Variants in LONRF2 observed in about 807,000 individuals in gnomAD.
LONRF2 encodes the protein LON peptidase N-terminal domain and RING finger protein 2.
Under a neutral mutation model 66.6 loss-of-function variants are expected in LONRF2, and 35 were observed. The observed-to-expected ratio is 0.53, with a 90% CI of 0.40 to 0.70. LONRF2 has a LOEUF of 0.70. Among genes scored for constraint, LONRF2 ranks in the 30% least tolerant of loss-of-function variants. LONRF2 has a pLI of 0.00. For missense variants in LONRF2, 902 were observed against 1,002.1 expected, an observed-to-expected ratio of 0.90 and a Z score of 1.35; for synonymous variants, 417 against 418.1, an observed-to-expected ratio of 1.00 and a Z score of 0.03.
At position 100,302,945 on chromosome 2, in the gene LONRF2, G is replaced by C. The variant is rs1675215265; in HGVS notation, c.897C>G (p.Asn299Lys). The change falls in exon 3 of 12, where the codon AAC (asparagine) becomes AAG (lysine). Residue 299 changes from asparagine (N) to lysine (K), a missense_variant. Around this residue, in one of 2 missense-constraint regions of LONRF2, gnomAD observed 585 missense variants for 569.9 expected, o/e 1.03. Coordinates refer to ENST00000393437, the MANE Select transcript of LONRF2 (RefSeq NM_198461.4). ...LYCLALNPEC[N>K]SVKKEAQKVM... is the part of the protein sequence containing the mutation. ...CCTTCTGTGCTTCTTTCTTCACAGAGTTACATTCAGGATTCAGAGCAAGGC... is the reference window on the plus strand; with the variant it reads ...CCTTCTGTGCTTCTTTCTTCACAGACTTACATTCAGGATTCAGAGCAAGGC... 1.2e-6 allele frequency: 2 copies of C among 1,608,112 alleles called. No individual in the cohort carries two copies. The highest frequency in any genetic ancestry group is 1.7e-6 in the Non-Finnish European group (2 of 1,176,900).
intron 10 of LONRF2, among the ~76,000 whole-genome samples, chr2:100,287,949 A>G (rs1448542702): frequency 2.0e-5 from 3 of 152,256 alleles, no homozygotes; most frequent in Non-Finnish European, 2.9e-5. Context: ...CGGTGTGCTG[A>G]GAAATTATAA....
intron 1 of LONRF2, among the ~76,000 whole-genome samples, chr2:100,313,413 T>C (rs1675446293): frequency 6.6e-6 from 1 of 152,152 alleles, no homozygotes; most frequent in South Asian, 2.1e-4. Context: ...GAGAATTGCT[T>C]GAACCTGGGA....
chr2:100,275,655 T>C lies in LONRF2; in HGVS notation c.*8643A>G, dbSNP rs1421518704. ...TCCATAGAGACCAGTGGCTTGAGGT[T>C]TGAGGAAAAGGGGAAGGGGTGGGAC... On this transcript the variant is annotated 3_prime_UTR_variant, in exon 12 of 12. Coordinates refer to ENST00000393437, the MANE Select transcript of LONRF2 (RefSeq NM_198461.4). The C allele has an allele frequency of 1.3e-5, 2 of 152,112 alleles. No individual in the cohort carries two copies. Among genetic ancestry groups the C allele is most frequent in the African/African-American group, 4.8e-5 (2 of 41,404 alleles). 9.4% of individuals were successfully genotyped at this position (152,112 alleles called of 1,614,324 possible). A position where few individuals can be genotyped will look rare whatever the true frequency, so the allele number is the denominator to read the frequency against.
intron 1 of LONRF2, among the ~76,000 whole-genome samples, chr2:100,312,210 T>G (rs968923218): frequency 4.6e-5 from 7 of 152,198 alleles, no homozygotes; most frequent in Non-Finnish European, 7.4e-5. Flanking sequence ...TACTTCTTCA[T>G]GGATAAATAT....
chr2:100,295,610 C>A, intron 7 of LONRF2, 57 bp from the exon 8 acceptor site: 1 of 1,555,534 alleles, frequency 6.4e-7, no homozygotes, highest in Non-Finnish European at 8.7e-7. Flanking sequence ...AAGGACGAAG[C>A]TTCCGAGTGG....
intron 1 of LONRF2, among the ~76,000 whole-genome samples, chr2:100,314,560 C>A (rs1341196081): frequency 6.6e-6 from 1 of 152,106 alleles, no homozygotes; most frequent in East Asian, 1.9e-4. Flanking sequence ...ATCCCCTTCT[C>A]ACTTTTTTGG....
rs1209798562 is a variant in LONRF2, at chr2:100,299,877, A to G, written c.1107T>C (p.Ser369=). The change falls in exon 5 of 12, where the codon TCT becomes TCC. Residue 369 remains serine, a synonymous_variant. Transcript: ENST00000393437. ...GACCCAGTATAAAATACAAAACTGA[A>G]GAATTGGTATTTCCAAGCATATCAG... ...EKSDMLGNTN[S]SVLYFILGLH... is the part of the protein sequence containing the mutation. 6.2e-7 allele frequency: 1 copy of G among 1,612,266 alleles called. No homozygotes were observed. Among genetic ancestry groups the G allele is most frequent in the Non-Finnish European group, 8.5e-7 (1 of 1,178,406 alleles).
rs754651293 is a variant in LONRF2 at position 100,290,338 on chromosome 2, T to C, written c.1840A>G (p.Ile614Val). Residue 614 changes from isoleucine (I) to valine (V), a missense_variant, in exon 10 of 12, where the codon ATC (isoleucine) becomes GTC (valine). Ile to Val is a conservative substitution (Grantham distance 29). Coordinates refer to ENST00000393437, the MANE Select transcript of LONRF2 (RefSeq NM_198461.4). ...DGSSVVDAIG[I>V]SRFRVLSHRH... is the part of the protein sequence containing the mutation. Reference sequence around the variant, plus strand: ...TGGCTTAGCACTCGGAACCGACTGATGCCAATCGCGTCTACAACAGAACTT... The same window carrying C: ...TGGCTTAGCACTCGGAACCGACTGACGCCAATCGCGTCTACAACAGAACTT... 3 of 1,614,224 alleles carry C rather than the reference T, an allele frequency of 1.9e-6. No homozygotes were observed. The highest frequency in any genetic ancestry group is 2.5e-6 in the Non-Finnish European group (3 of 1,180,042).
At position 100,305,108 on chromosome 2, in the gene LONRF2, G is replaced by A. The variant is rs10210458; in HGVS notation, c.799-2065C>T. ...AACTCTGAACTCCTGGTACTTTCAC[G>A]TAGTGATCCTGAGTGTTTGTCCCAG... On this transcript the variant is annotated intron_variant, in intron 2 of 11. Transcript: ENST00000393437. Among the ~76,000 whole-genome samples the A allele has an allele frequency of 8.9e-3, 1,349 of 152,220 alleles. 20 individuals carry two copies. The highest frequency in any genetic ancestry group is 0.046 in the East Asian group (240 of 5,178).
At chr2:100,300,578 G>A in intron 4 of LONRF2, 66 bp downstream of exon 4, 1 of 1,466,422 alleles carries the variant, frequency 6.8e-7, no homozygotes. Context: ...TCTGTAAACT[G>A]TTTAAAATGA....
At position 100,284,039 on chromosome 2, in the gene LONRF2, G is replaced by GTAT; in HGVS notation, c.*258_*259insATA. ...GCTGTCAGTGAACTGCATTCCCCAAGCACCTGCTTCTAAGAGATTTTCTTA... is the reference window on the plus strand; with the variant it reads ...GCTGTCAGTGAACTGCATTCCCCAAGTATCACCTGCTTCTAAGAGATTTTCTTA... On this transcript the variant is annotated 3_prime_UTR_variant, in exon 12 of 12. Coordinates refer to ENST00000393437, the MANE Select transcript of LONRF2 (RefSeq NM_198461.4). 2 of 367,286 alleles carry GTAT rather than the reference G, an allele frequency of 5.4e-6. No homozygotes were observed. Among genetic ancestry groups the GTAT allele is most frequent in the South Asian group, 4.9e-5 (1 of 20,292 alleles). 22.8% of individuals were successfully genotyped at this position (367,286 alleles called of 1,614,324 possible). A position where few individuals can be genotyped will look rare whatever the true frequency, so the allele number is the denominator to read the frequency against.
chr2:100,302,810 G>A (rs142559586), intron 3 of LONRF2, 111 bp downstream of exon 3: 14 of 1,100,212 alleles, frequency 1.3e-5, no homozygotes, highest in Admixed American at 6.2e-5. Flanking sequence ...GCATTATCAC[G>A]AACATTCAGA....
rs893625871 is a variant in LONRF2, at chr2:100,303,419, G to A, written c.799-376C>T. On this transcript the variant is annotated intron_variant, in intron 2 of 11. Coordinates refer to ENST00000393437, the MANE Select transcript of LONRF2 (RefSeq NM_198461.4). ...CAGTCTCATGAGCTAAGACAGACAC[G>A]ACTAAAAACAATTACAATACAAATC... 6.6e-5 allele frequency among the ~76,000 whole-genome samples: 10 copies of A among 152,100 alleles called. No individual in the cohort carries two copies. The East Asian group carries it at 1.9e-3, about 29-fold the overall frequency.
Position 100,272,674 on chromosome 2 carries a change from A to C in LONRF2, c.*11624T>G, listed in dbSNP as rs1430926171. 3.9e-5 allele frequency among the ~76,000 whole-genome samples: 6 copies of C among 152,168 alleles called. No homozygotes were observed. The highest frequency in any genetic ancestry group is 9.7e-5 in the African/African-American group (4 of 41,432). ...TTAAATATTGTAATTTATGCCTCTA[A>C]AAATTCCAAATAAATATATGCTTTC... On this transcript the variant is annotated 3_prime_UTR_variant, in exon 12 of 12. Transcript: ENST00000393437.
chr2:100,279,639 A>G lies in LONRF2; in HGVS notation c.*4659T>C, dbSNP rs1674671506. Reference sequence around the variant, plus strand: ...AAACTGCCCATCCCAGGGTGAGCCAATTCTTAGATACAGCAAAGGGCTACC... The same window carrying G: ...AAACTGCCCATCCCAGGGTGAGCCAGTTCTTAGATACAGCAAAGGGCTACC... On this transcript the variant is annotated 3_prime_UTR_variant, in exon 12 of 12. Coordinates refer to ENST00000393437, the MANE Select transcript of LONRF2 (RefSeq NM_198461.4). 1 of 152,114 alleles carries G rather than the reference A, an allele frequency of 6.6e-6. No individual in the cohort carries two copies. Among genetic ancestry groups the G allele is most frequent in the Non-Finnish European group, 1.5e-5 (1 of 68,016 alleles). 9.4% of individuals were successfully genotyped at this position (152,114 alleles called of 1,614,324 possible).
At chr2:100,298,544 G>A (rs1161177534) in intron 7 of LONRF2, among the ~76,000 whole-genome samples, 1 of 152,192 alleles carries the variant, frequency 6.6e-6, no homozygotes, top group South Asian at 2.1e-4. Flanking sequence ...CCATGACAAC[G>A]TCTCAACCAT....
At chr2:100,299,405 A>T (rs1573117057) in intron 5 of LONRF2, 86 bp from the exon 6 acceptor site, 2 of 774,718 alleles carry the variant, frequency 2.6e-6, no homozygotes, top group South Asian at 4.6e-5. Flanking sequence ...CTCTGGACCA[A>T]ACGTGTTGTA....
chr2:100,294,098 T>C (rs1428111002), intron 9 of LONRF2, 131 bp downstream of exon 9: 2 of 1,034,292 alleles, frequency 1.9e-6, no homozygotes, highest in East Asian at 5.3e-5. Context: ...TGGGCAGCCT[T>C]GAACTTGGAC....
chr2:100,284,633 C>G (rs1254823151), intron 11 of LONRF2, 141 bp from the exon 12 acceptor site: 1 of 660,148 alleles, frequency 1.5e-6, no homozygotes, highest in Non-Finnish European at 2.4e-6. Context: ...ACAATTCATT[C>G]AGCTCTCAAA....
Sources: gnomAD v4.1 joint callset for allele counts (sites outside exome capture counted in the v4.1 genomes callset) on GRCh38, gnomAD v4.1.1 for gene constraint, gnomAD v4.1.1 regional missense constraint, MANE v1.5 for transcripts, NCBI Gene and HGNC (gene_info 2026-07-23, HGNC 2026-07-21) for gene names.